Variants in INSR observed in about 807,000 individuals in gnomAD.
INSR encodes the protein IR.
INSR carries 67 observed loss-of-function variants against 142.6 expected under a neutral mutation model. The ratio of observed to expected loss-of-function variants is 0.47; its 90% CI spans 0.39 to 0.58. The LOEUF (loss-of-function observed/expected upper bound fraction) is 0.58. Ranked by LOEUF, INSR falls within the 20% of genes least tolerant of loss-of-function variation. INSR has a pLI of 0.00. For missense variants in INSR, 1,248 were observed against 1,833.2 expected (o/e 0.68, Z 5.83); for synonymous variants, 756 against 743.1 (o/e 1.02, Z -0.28).
intron 2 of INSR, among the ~76,000 whole-genome samples, chr19:7,238,133 T>G (rs557255628): frequency 6.6e-6 from 1 of 152,090 alleles, no homozygotes; most frequent in Admixed American, 6.6e-5. Context: ...CAGGATTGAA[T>G]GTAGAATCAT....
chr19:7,279,000 A>G (rs1568235488), intron 1 of INSR, among the ~76,000 whole-genome samples: 1 of 152,230 alleles, frequency 6.6e-6, no homozygotes, highest in Middle Eastern at 3.4e-3. Flanking sequence ...ATGGTGGTGC[A>G]CACCTGTAAT....
Position 7,170,596 on chromosome 19 carries a change from G to A in INSR, c.1424C>T (p.Thr475Ile), listed in dbSNP as rs1347869530. ...EIHKMEEVSGTKGRQERNDIA... is the reference protein window; with the variant it reads ...EIHKMEEVSGIKGRQERNDIA... ...GTCGTTTCTCTCCTGGCGCCCCTTGGTTCCTGAAACTTCTTCCATCTTGTG... is the reference window on the plus strand; with the variant it reads ...GTCGTTTCTCTCCTGGCGCCCCTTGATTCCTGAAACTTCTTCCATCTTGTG... Residue 475 changes from threonine (T) to isoleucine (I), a missense_variant, in exon 6 of 22, where the codon ACC becomes ATC. Thr to Ile is a moderately conservative substitution (Grantham distance 89). Transcript: ENST00000302850. The A allele has an allele frequency of 3.7e-6, 6 of 1,613,730 alleles. No individual in the cohort carries two copies. Among genetic ancestry groups the A allele is most frequent in the Non-Finnish European group, 4.2e-6 (5 of 1,179,920 alleles).
At chr19:7,217,825 C>T (rs1209226143) in intron 2 of INSR, among the ~76,000 whole-genome samples, 1 of 152,240 alleles carries the variant, frequency 6.6e-6, no homozygotes, top group East Asian at 1.9e-4. Flanking sequence ...TCCCAAAGTG[C>T]TGGGATTACA....
At position 7,184,497 on chromosome 19, in the gene INSR, C is replaced by T. The variant is rs767903268; in HGVS notation, c.793G>A (p.Val265Met). The T allele has an allele frequency of 6.2e-6, 10 of 1,613,498 alleles. No individual in the cohort carries two copies. Among genetic ancestry groups the T allele is most frequent in the Non-Finnish European group, 8.5e-6 (10 of 1,179,678 alleles). Residue 265 changes from valine (V) to methionine (M), a missense_variant, in exon 3 of 22, where the codon GTG becomes ATG. By Grantham distance (21) the Val-to-Met change is conservative (BLOSUM62 1). This residue lies in a region of INSR where 1,069 missense variants were observed against 1,654.0 expected (regional missense o/e 0.65). Coordinates refer to ENST00000302850, the MANE Select transcript of INSR (RefSeq NM_000208.4). ...TAGTACGGGGGCGGGCAGGTCTCCA[C>T]ACACCTGCCGTCCAGGTAGAAGTTG... ...CRNFYLDGRC[V>M]ETCPPPYYHF...
In INSR at chr19:7,267,601, G is replaced by A. The variant is rs560830045; in HGVS notation, c.396C>T (p.Gly132=). 12 of 1,614,084 alleles carry A rather than the reference G, an allele frequency of 7.4e-6. No individual in the cohort carries two copies. In the African/African-American group the frequency reaches 1.2e-4, roughly 16 times the overall value. ...GGGTGATGTTCATCAGGTTGTAGAG[G>A]CCGAGTTCCTTGAGGTGAACCATCT... The part of the protein sequence containing the change: ...IFEMVHLKEL[G]LYNLMNITRG... Residue 132 remains glycine (G), a synonymous_variant, in exon 2 of 22, where the codon GGC becomes GGT. Transcript: ENST00000302850. This position sits in a 1 kb window ranked among gnomAD's most constrained non-coding sequence, Gnocchi z 6.3.
At chr19:7,149,209 A>C (rs1973259617) in intron 11 of INSR, among the ~76,000 whole-genome samples, 1 of 152,180 alleles carries the variant, frequency 6.6e-6, no homozygotes, top group South Asian at 2.1e-4. Context: ...AATATTATTA[A>C]TAGCAGGACT....
At chr19:7,128,516 G>A (rs1241726309) in intron 15 of INSR, among the ~76,000 whole-genome samples, 2 of 152,008 alleles carry the variant, frequency 1.3e-5, no homozygotes, top group African/African-American at 2.4e-5. Context: ...GCCCAGTCAA[G>A]TCCTACTCCT....
intron 2 of INSR, among the ~76,000 whole-genome samples, chr19:7,197,961 A>AGT (rs1243704501): frequency 1.8e-4 from 20 of 109,058 alleles, no homozygotes; most frequent in African/African-American, 3.7e-4. Flanking sequence ...CCATGGTGGG[A>AGT]GTGTGTGTGT....
intron 2 of INSR, among the ~76,000 whole-genome samples, chr19:7,218,571 C>T (rs1975507461): frequency 1.3e-5 from 2 of 152,006 alleles, no homozygotes; most frequent in South Asian, 2.1e-4. Context: ...AACGAAGTCT[C>T]GCTCTGTTGC....
In INSR at chr19:7,158,376, C is replaced by T. The variant is rs551985824; in HGVS notation, c.2029+4656G>A. ...ATTAGCCGGGCGTGGTGGCGGGCGCCTGTAGTCCCAGCTACTCGGGAGGCT... is the reference window on the plus strand; with the variant it reads ...ATTAGCCGGGCGTGGTGGCGGGCGCTTGTAGTCCCAGCTACTCGGGAGGCT... On this transcript the variant is annotated intron_variant, in intron 9 of 21. Transcript: ENST00000302850. Among the ~76,000 whole-genome samples the T allele has an allele frequency of 9.2e-5, 14 of 152,192 alleles. No homozygotes were observed. The South Asian group carries it at 2.9e-3, about 32-fold the overall frequency.
chr19:7,157,232 G>A (rs569622716), intron 9 of INSR, among the ~76,000 whole-genome samples: 3 of 152,146 alleles, frequency 2.0e-5, no homozygotes, highest in East Asian at 3.9e-4. Flanking sequence ...ACCCGCCTCA[G>A]CCTCCCAAAG....
Position 7,172,362 on chromosome 19 carries a change from C to A in INSR, c.1196G>T (p.Arg399Leu). The stretch of plus-strand genomic sequence containing the variant: ...GGAAAGTGACACCAGAGCGTAGGAT[C>A]GGCGGATTTTTAGATACCCTGAAAT... ...EEISGYLKIR[R>L]SYALVSLSFF... Residue 399 changes from arginine to leucine, a missense_variant, in exon 5 of 22, where the codon CGA (arginine) becomes CTA (leucine). Transcript: ENST00000302850. The A allele has an allele frequency of 6.2e-7, 1 of 1,614,098 alleles. No individual in the cohort carries two copies. The highest frequency in any genetic ancestry group is 8.5e-7 in the Non-Finnish European group (1 of 1,179,994).
chr19:7,244,331 G>A (rs1413280002), intron 2 of INSR, among the ~76,000 whole-genome samples: 2 of 152,102 alleles, frequency 1.3e-5, no homozygotes, highest in East Asian at 1.9e-4. Context: ...CCAGGAATTC[G>A]AGACCAGCCT....
intron 17 of INSR, among the ~76,000 whole-genome samples, chr19:7,123,693 C>A (rs1972550469): frequency 6.6e-6 from 1 of 151,948 alleles, no homozygotes; most frequent in Non-Finnish European, 1.5e-5. Flanking sequence ...GAGGCTGAGG[C>A]CGGTGGATCA....
intron 2 of INSR, among the ~76,000 whole-genome samples, chr19:7,193,270 C>T (rs1159867699): frequency 1.3e-5 from 2 of 151,894 alleles, no homozygotes; most frequent in African/African-American, 4.8e-5. Context: ...GAGGCTAAGC[C>T]TGGGAGGCTA....
chr19:7,202,999 T>G (rs1470694570), intron 2 of INSR, among the ~76,000 whole-genome samples: 1 of 55,806 alleles, frequency 1.8e-5, no homozygotes, highest in South Asian at 4.2e-4. Flanking sequence ...TTTTGTTGTT[T>G]TTTTTTTTTT....
chr19:7,227,643 C>T (rs138305349), intron 2 of INSR, among the ~76,000 whole-genome samples: 1 of 152,250 alleles, frequency 6.6e-6, no homozygotes, highest in East Asian at 1.9e-4. Flanking sequence ...TCGACTCCAG[C>T]CAGCTTAGAC....
intron 9 of INSR, among the ~76,000 whole-genome samples, chr19:7,161,686 G>T (rs150182039): frequency 6.6e-6 from 1 of 152,218 alleles, no homozygotes; most frequent in Non-Finnish European, 1.5e-5. Context: ...TGTGTTTCTA[G>T]CTTTGCACAG....
At chr19:7,242,697 A>ACTG (rs148601688) in intron 2 of INSR, among the ~76,000 whole-genome samples, 21,653 of 138,034 alleles carry the variant, frequency 0.16, 1,880 homozygotes, top group Middle Eastern at 0.19. Flanking sequence ...AGATCGCACC[A>ACTG]CTGCTCTCCA....
Sources: gnomAD v4.1 joint callset for allele counts (sites outside exome capture counted in the v4.1 genomes callset) on GRCh38, gnomAD v4.1.1 for gene constraint, gnomAD v4.1.1 regional missense constraint, Gnocchi (gnomAD v3.1) non-coding constraint, MANE v1.5 for transcripts, NCBI Gene and HGNC (gene_info 2026-07-23, HGNC 2026-07-21) for gene names.